The following KCNK1 variants were observed in gnomAD, a reference collection of about 807,000 sequenced individuals.
KCNK1 encodes potassium two pore domain channel subfamily K member 1, also known as potassium channel subfamily K member 1.
KCNK1 carries 10 observed loss-of-function variants against 22.2 expected under a neutral mutation model. That is an observed-to-expected ratio of 0.45 (90% CI 0.28 to 0.76). The LOEUF (loss-of-function observed/expected upper bound fraction) is 0.76, where lower values mean the gene tolerates loss of function less well. KCNK1 is among the 30% of genes least tolerant of loss of function. The probability of loss-of-function intolerance (pLI) is 0.14; values close to 1 mark genes in which losing one functional copy is unlikely to be tolerated. For missense variants in KCNK1, 378 were observed against 421.0 expected (o/e 0.90, Z 0.89); for synonymous variants, 200 against 186.4 (o/e 1.07, Z -0.60).
intron 1 of KCNK1, among the ~76,000 whole-genome samples, chr1:233,642,829 C>T (rs529226466): frequency 2.5e-4 from 38 of 151,464 alleles, no homozygotes; most frequent in African/African-American, 8.2e-4. Context: ...AGTGCAGTGG[C>T]GTGATCTAGG....
At position 233,659,244 on chromosome 1, in the gene KCNK1, C is replaced by T. The variant is rs571729647; in HGVS notation, c.356-7351C>T. Among the ~76,000 whole-genome samples the T allele has an allele frequency of 5.4e-4, 81 of 150,842 alleles. 1 individual carries two copies. In the South Asian group the frequency reaches 0.017, roughly 31 times the overall value. On this transcript the variant is annotated intron_variant, in intron 1 of 2. Coordinates refer to ENST00000366621, the MANE Select transcript of KCNK1 (RefSeq NM_002245.4). ...TTAAAAACTAAGACACGAACACACA[C>T]ACTAGCCTAGGCCTACACAGGGTCA... is the stretch of plus-strand genomic sequence containing the variant.
chr1:233,646,746 G>A (rs1472464280), intron 1 of KCNK1, among the ~76,000 whole-genome samples: 1 of 152,134 alleles, frequency 6.6e-6, no homozygotes, highest in African/African-American at 2.4e-5. Flanking sequence ...CATGTGTGAA[G>A]CCAGAGGAAG....
At chr1:233,636,769 G>A (rs1657905408) in intron 1 of KCNK1, among the ~76,000 whole-genome samples, 1 of 52,374 alleles carries the variant, frequency 1.9e-5, no homozygotes, top group South Asian at 5.5e-4. Flanking sequence ...TCTAGGACAA[G>A]GGATCACGAG....
chr1:233,619,973 C>G (rs1657553607), intron 1 of KCNK1, among the ~76,000 whole-genome samples: 1 of 151,944 alleles, frequency 6.6e-6, no homozygotes, highest in Non-Finnish European at 1.5e-5. Flanking sequence ...AGTGGGCGAA[C>G]TAGGGCCCCT....
intron 1 of KCNK1, among the ~76,000 whole-genome samples, chr1:233,615,706 G>A (rs1367303633): frequency 6.6e-6 from 1 of 151,542 alleles, no homozygotes; most frequent in Non-Finnish European, 1.5e-5. Context: ...ATCCCTTTGT[G>A]TGACTCCCAA....
chr1:233,647,452 T>C (rs2102899245), intron 1 of KCNK1, among the ~76,000 whole-genome samples: 1 of 152,066 alleles, frequency 6.6e-6, no homozygotes, highest in Admixed American at 6.5e-5. Context: ...GTGAGGTGAA[T>C]GTTTTGAGGT....
intron 1 of KCNK1, among the ~76,000 whole-genome samples, chr1:233,636,071 G>A (rs1236346646): frequency 1.3e-5 from 2 of 152,164 alleles, no homozygotes; most frequent in Non-Finnish European, 2.9e-5. Context: ...GAGCTAAGAG[G>A]CCAGTGTGGC....
intron 1 of KCNK1, among the ~76,000 whole-genome samples, chr1:233,619,432 A>C (rs1260862079): frequency 6.6e-6 from 1 of 152,168 alleles, no homozygotes; most frequent in African/African-American, 2.4e-5. Context: ...AGTGAACTTA[A>C]TTGGGCTTGG....
chr1:233,671,479 T>C lies in KCNK1; in HGVS notation c.960T>C (p.Pro320=), dbSNP rs375357768. The change falls in exon 3 of 3, where the codon CCT becomes CCC. Residue 320 remains proline, a synonymous_variant. Coordinates refer to ENST00000366621, the MANE Select transcript of KCNK1 (RefSeq NM_002245.4). Reference sequence around the variant, plus strand: ...AAGAGGACCAGAAGCAAAATGAGCCTTTTGTGGCCACCCAGTCATCTGCCT... The same window carrying C: ...AAGAGGACCAGAAGCAAAATGAGCCCTTTGTGGCCACCCAGTCATCTGCCT... ...GMKEDQKQNE[P]FVATQSSACV... The C allele has an allele frequency of 1.2e-6, 2 of 1,614,052 alleles. No homozygotes were observed. The highest frequency in any genetic ancestry group is 2.7e-5 in the African/African-American group (2 of 74,928).
chr1:233,648,851 A>G (rs562060033), intron 1 of KCNK1, among the ~76,000 whole-genome samples: 3 of 152,218 alleles, frequency 2.0e-5, no homozygotes, highest in African/African-American at 7.2e-5. Context: ...ATAGGCGTGA[A>G]CCACCATGCC....
chr1:233,669,362 ACTT>A (rs766972508), intron 2 of KCNK1, among the ~76,000 whole-genome samples: 1 of 152,172 alleles, frequency 6.6e-6, no homozygotes, highest in African/African-American at 2.4e-5. Context: ...ACATTTTATC[ACTT>A]CTTACAATGT....
In KCNK1 at chr1:233,670,403, G is replaced by A. The variant is rs150074898; in HGVS notation, c.752-868G>A. Among the ~76,000 whole-genome samples, 123 of 152,288 alleles carry A rather than the reference G, an allele frequency of 8.1e-4. No homozygotes were observed. The Middle Eastern group carries it at 0.02, about 25-fold the overall frequency. ...ATTCTTAAATTTTTGATTTAGTTTAGTGTATTAGTCTGTTTTCACACTGCT... is the reference window on the plus strand; with the variant it reads ...ATTCTTAAATTTTTGATTTAGTTTAATGTATTAGTCTGTTTTCACACTGCT... On this transcript the variant is annotated intron_variant, in intron 2 of 2. Coordinates refer to ENST00000366621, the MANE Select transcript of KCNK1 (RefSeq NM_002245.4).
At chr1:233,651,803 G>A (rs747683212) in intron 1 of KCNK1, among the ~76,000 whole-genome samples, 3 of 152,206 alleles carry the variant, frequency 2.0e-5, no homozygotes, top group Non-Finnish European at 1.5e-5. Flanking sequence ...ATGGCAGCAG[G>A]AGCTGGTGTG....
At chr1:233,640,951 C>T (rs1362459904) in intron 1 of KCNK1, among the ~76,000 whole-genome samples, 1 of 152,132 alleles carries the variant, frequency 6.6e-6, no homozygotes, top group Non-Finnish European at 1.5e-5. Flanking sequence ...GTGATCCACC[C>T]GCCTTGGCCT....
At chr1:233,658,296 T>A (rs1359708346) in intron 1 of KCNK1, among the ~76,000 whole-genome samples, 2 of 152,204 alleles carry the variant, frequency 1.3e-5, no homozygotes, top group African/African-American at 2.4e-5. Context: ...TATGTGTTTT[T>A]AAATCATAGA....
At chr1:233,654,640 C>A (rs1353471909) in intron 1 of KCNK1, among the ~76,000 whole-genome samples, 2 of 152,134 alleles carry the variant, frequency 1.3e-5, no homozygotes, top group Non-Finnish European at 2.9e-5. Context: ...ATAACGGGTA[C>A]AGTGGTTCAT....
intron 1 of KCNK1, among the ~76,000 whole-genome samples, chr1:233,655,002 G>T (rs945690526): frequency 6.6e-6 from 1 of 152,118 alleles, no homozygotes; most frequent in Non-Finnish European, 1.5e-5. Context: ...CACCCCAGCA[G>T]CCCCAGACCT....
chr1:233,617,261 G>T (rs745841463), intron 1 of KCNK1, among the ~76,000 whole-genome samples: 2 of 152,134 alleles, frequency 1.3e-5, no homozygotes, highest in African/African-American at 2.4e-5. Flanking sequence ...ACAAACTTCC[G>T]TTTCTGGAAG....
intron 1 of KCNK1, among the ~76,000 whole-genome samples, chr1:233,624,633 G>A (rs562144976): frequency 6.6e-6 from 1 of 152,282 alleles, no homozygotes; most frequent in East Asian, 1.9e-4. Flanking sequence ...AGGTTCTAAA[G>A]ATGTTACTTC....
Sources: gnomAD v4.1 joint callset for allele counts (sites outside exome capture counted in the v4.1 genomes callset) on GRCh38, gnomAD v4.1.1 for gene constraint, MANE v1.5 for transcripts, NCBI Gene and HGNC (gene_info 2026-07-23, HGNC 2026-07-21) for gene names.